Variants in TIFAB observed in about 807,000 individuals in gnomAD.
The protein encoded by TIFAB is TIFA inhibitor.
For missense variants in TIFAB, 222 were observed against 203.6 expected, an observed-to-expected ratio of 1.09 and a Z score of -0.55; for synonymous variants, 116 against 95.2, an observed-to-expected ratio of 1.22 and a Z score of -1.27.
Position 135,444,805 on chromosome 5 carries a change from C to T in TIFAB, c.*4649G>A, listed in dbSNP as rs1009620915. ...TTGCTCTACACGTTTCTGTAGTGAC[C>T]GTCCATTTGAAGGGATAGGGAAATA... On this transcript the variant is annotated 3_prime_UTR_variant, in exon 2 of 2. Transcript: ENST00000537858. 3 of 152,234 alleles carry T rather than the reference C, an allele frequency of 2.0e-5. No homozygotes were observed. The highest frequency in any genetic ancestry group is 4.8e-5 in the African/African-American group (2 of 41,450). The allele number at this position is 152,234 out of a possible 1,614,324, so 9.4% of individuals were successfully genotyped here. A position where few individuals can be genotyped will look rare whatever the true frequency, so the allele number is the denominator to read the frequency against.
chr5:135,450,932 G>A (rs1210125953), intron 1 of TIFAB, among the ~76,000 whole-genome samples: 2 of 152,156 alleles, frequency 1.3e-5, no homozygotes, highest in Admixed American at 6.5e-5. Context: ...CCACAACAGG[G>A]GGAATCCCCC....
At position 135,448,045 on chromosome 5, in the gene TIFAB, G is replaced by A. The variant is rs1478961032; in HGVS notation, c.*1409C>T. On this transcript the variant is annotated 3_prime_UTR_variant, in exon 2 of 2. Transcript: ENST00000537858. ...TCCCTGCCTTGTGGCTGTGATCTGA[G>A]TGTTTTTGCTTCATCCCTATTGGAG... 1.3e-5 allele frequency: 2 copies of A among 151,830 alleles called. No homozygotes were observed. The highest frequency in any genetic ancestry group is 1.3e-4 in the Admixed American group (2 of 15,260). 9.4% of individuals were successfully genotyped at this position (151,830 alleles called of 1,614,324 possible).
Position 135,449,581 on chromosome 5 carries a change from G to A in TIFAB, c.359C>T (p.Thr120Ile). The change falls in exon 2 of 2, where the codon ACA becomes ATA. Residue 120 changes from threonine to isoleucine, a missense_variant. Thr to Ile is a moderately conservative substitution (Grantham distance 89). Transcript: ENST00000537858. Reference protein sequence around the residue: ...IQMLVRVEEGTSLEAFVCYFH... With the variant: ...IQMLVRVEEGISLEAFVCYFH... ...ATAGCAGACAAAAGCCTCCAGGGAT[G>A]TGCCTTCTTCTACGCGAACCAGCAT... 1.2e-6 allele frequency: 2 copies of A among 1,614,268 alleles called. No homozygotes were observed. Among genetic ancestry groups the A allele is most frequent in the South Asian group, 1.1e-5 (1 of 91,090 alleles).
rs1298713822 is a variant in TIFAB at position 135,446,533 on chromosome 5, G to A, written c.*2921C>T. The A allele has an allele frequency of 1.2e-6, 2 of 1,613,900 alleles. No homozygotes were observed. The highest frequency in any genetic ancestry group is 1.1e-5 in the South Asian group (1 of 91,088). On this transcript the variant is annotated 3_prime_UTR_variant, in exon 2 of 2. Coordinates refer to ENST00000537858, the MANE Select transcript of TIFAB (RefSeq NM_001099221.2). Reference sequence around the variant, plus strand: ...TGAAGCCAGCCTGACGGTTCCAGCTGTTAGGAGAAAGTGAAGGTGGGTGCC... The same window carrying A: ...TGAAGCCAGCCTGACGGTTCCAGCTATTAGGAGAAAGTGAAGGTGGGTGCC...
chr5:135,448,674 C>T lies in TIFAB; in HGVS notation c.*780G>A, dbSNP rs1360691946. 1 of 152,168 alleles carries T rather than the reference C, an allele frequency of 6.6e-6. No homozygotes were observed. Among genetic ancestry groups the T allele is most frequent in the Non-Finnish European group, 1.5e-5 (1 of 68,070 alleles). 9.4% of individuals were successfully genotyped at this position (152,168 alleles called of 1,614,324 possible). On this transcript the variant is annotated 3_prime_UTR_variant, in exon 2 of 2. Coordinates refer to ENST00000537858, the MANE Select transcript of TIFAB (RefSeq NM_001099221.2). ...GGATGATAAGGGGGACAATGAATTT[C>T]CAGGCAGGCCCAGCTCCCAGCTCCC...
chr5:135,451,008 G>A (rs560475000), intron 1 of TIFAB, among the ~76,000 whole-genome samples: 128 of 152,316 alleles, frequency 8.4e-4, no homozygotes, highest in Middle Eastern at 6.8e-3. Context: ...AGTTCTGTGG[G>A]CCCTTGTCCT....
rs1769323479 is a variant in TIFAB at position 135,449,185 on chromosome 5, CT to C, written c.*268del. The C allele has an allele frequency of 3.9e-6, 2 of 518,590 alleles. No individual in the cohort carries two copies. The highest frequency in any genetic ancestry group is 6.9e-6 in the Non-Finnish European group (2 of 288,996). 32.1% of individuals were successfully genotyped at this position (518,590 alleles called of 1,614,324 possible). On this transcript the variant is annotated 3_prime_UTR_variant, in exon 2 of 2. Coordinates refer to ENST00000537858, the MANE Select transcript of TIFAB (RefSeq NM_001099221.2). ...TGGCCACAGAGGGTGCTTCTCCCCC[CT>C]GGGCTGTTTGTTCGGTGTTTGCAGA...
At position 135,445,374 on chromosome 5, in the gene TIFAB, G is replaced by T. The variant is rs1275409199; in HGVS notation, c.*4080C>A. The T allele has an allele frequency of 6.6e-6, 1 of 152,346 alleles. No homozygotes were observed. The highest frequency in any genetic ancestry group is 1.5e-5 in the Non-Finnish European group (1 of 68,154). The allele number at this position is 152,346 out of a possible 1,614,324, so 9.4% of individuals were successfully genotyped here. On this transcript the variant is annotated 3_prime_UTR_variant, in exon 2 of 2. Coordinates refer to ENST00000537858, the MANE Select transcript of TIFAB (RefSeq NM_001099221.2). Reference sequence around the variant, plus strand: ...CAGCCAGAGGGTCTGTGCTGTCCCTGCTGAGGCCTACAGGAGGCAGAGACA... The same window carrying T: ...CAGCCAGAGGGTCTGTGCTGTCCCTTCTGAGGCCTACAGGAGGCAGAGACA...
In TIFAB at chr5:135,446,393, G is replaced by T. The variant is rs781331124; in HGVS notation, c.*3061C>A. ...ACATGTTCACTCAGGCACGTGGGCTGCCCTGCGGTGGGAGCTGAGAGAATG... is the reference window on the plus strand; with the variant it reads ...ACATGTTCACTCAGGCACGTGGGCTTCCCTGCGGTGGGAGCTGAGAGAATG... On this transcript the variant is annotated 3_prime_UTR_variant, in exon 2 of 2. Coordinates refer to ENST00000537858, the MANE Select transcript of TIFAB (RefSeq NM_001099221.2). 3.1e-6 allele frequency: 5 copies of T among 1,606,516 alleles called. No homozygotes were observed. In the East Asian group the frequency reaches 1.1e-4, roughly 36 times the overall value.
In TIFAB at chr5:135,451,569, C is replaced by T. The variant is rs968936865; in HGVS notation, c.-11+640G>A. 5.3e-5 allele frequency among the ~76,000 whole-genome samples: 8 copies of T among 151,936 alleles called. 1 individual carries two copies. Among genetic ancestry groups the T allele is most frequent in the Admixed American group, 2.6e-4 (4 of 15,272 alleles). On this transcript the variant is annotated intron_variant, in intron 1 of 1. Transcript: ENST00000537858. ...CATGATCTTGGCTCATGGTAGCCTC[C>T]GTCTTCCAGGTTCAAGGGATTCTCC...
chr5:135,447,952 G>A lies in TIFAB; in HGVS notation c.*1502C>T, dbSNP rs1455210995. ...TGGTGAAGGTTTGCTGAATGAATGA[G>A]GAACTGCTTTGGGGGTCCCAAGGGG... On this transcript the variant is annotated 3_prime_UTR_variant, in exon 2 of 2. Transcript: ENST00000537858. The A allele has an allele frequency of 1.3e-5, 2 of 152,278 alleles. No homozygotes were observed. The highest frequency in any genetic ancestry group is 4.8e-5 in the African/African-American group (2 of 41,454). The allele number at this position is 152,278 out of a possible 1,614,324, so 9.4% of individuals were successfully genotyped here.
At chr5:135,450,427 C>A (rs182096580) in intron 1 of TIFAB, among the ~76,000 whole-genome samples, 2 of 152,326 alleles carry the variant, frequency 1.3e-5, no homozygotes, top group Admixed American at 6.5e-5. Context: ...CGAACCGAGC[C>A]CTGACTCTTG....
chr5:135,450,329 G>A (rs1288852487), intron 1 of TIFAB, among the ~76,000 whole-genome samples: 1 of 152,190 alleles, frequency 6.6e-6, no homozygotes, highest in East Asian at 1.9e-4. Context: ...CATTTTCCTT[G>A]TATCTGACAG....
Position 135,447,222 on chromosome 5 carries a change from C to A in TIFAB, c.*2232G>T. The A allele has an allele frequency of 7.6e-7, 1 of 1,317,800 alleles. No individual in the cohort carries two copies. Among genetic ancestry groups the A allele is most frequent in the East Asian group, 2.4e-5 (1 of 42,334 alleles). 81.6% of individuals were successfully genotyped at this position (1,317,800 alleles called of 1,614,324 possible). The stretch of plus-strand genomic sequence containing the variant: ...CCAGGGCATCTCCCATTATACTAAC[C>A]CTGCCTATTGGACCTTCTGATGCAA... On this transcript the variant is annotated 3_prime_UTR_variant, in exon 2 of 2. Coordinates refer to ENST00000537858, the MANE Select transcript of TIFAB (RefSeq NM_001099221.2).
rs905519199 is a variant in TIFAB at position 135,445,979 on chromosome 5, T to C, written c.*3475A>G. The stretch of plus-strand genomic sequence containing the variant: ...GCTCTGGGGTATGCCTGAATGTAAC[T>C]AATGTAGCTCCTTTTGTGCCTGAGT... On this transcript the variant is annotated 3_prime_UTR_variant, in exon 2 of 2. Transcript: ENST00000537858. 6 of 166,378 alleles carry C rather than the reference T, an allele frequency of 3.6e-5. No homozygotes were observed. Among genetic ancestry groups the C allele is most frequent in the African/African-American group, 1.4e-4 (6 of 41,784 alleles). The allele number at this position is 166,378 out of a possible 1,614,324, so 10.3% of individuals were successfully genotyped here.
chr5:135,449,340 T>A lies in TIFAB; in HGVS notation c.*114A>T. ...TAGTGGCAGGGCTAGCAGAGTGCAC[T>A]GTCTGGGGGTTCCCTCTGGAGCTGT... is the stretch of plus-strand genomic sequence containing the variant. On this transcript the variant is annotated 3_prime_UTR_variant, in exon 2 of 2. Transcript: ENST00000537858. 7.0e-7 allele frequency: 1 copy of A among 1,433,432 alleles called. No homozygotes were observed. Among genetic ancestry groups the A allele is most frequent in the South Asian group, 1.3e-5 (1 of 74,212 alleles). The allele number at this position is 1,433,432 out of a possible 1,614,324, so 88.8% of individuals were successfully genotyped here.
chr5:135,447,850 C>T lies in TIFAB; in HGVS notation c.*1604G>A, dbSNP rs1039207433. 25 of 152,244 alleles carry T rather than the reference C, an allele frequency of 1.6e-4. No homozygotes were observed. Among genetic ancestry groups the T allele is most frequent in the Admixed American group, 9.8e-4 (15 of 15,288 alleles). 9.4% of individuals were successfully genotyped at this position (152,244 alleles called of 1,614,324 possible). A position where few individuals can be genotyped will look rare whatever the true frequency, so the allele number is the denominator to read the frequency against. Reference sequence around the variant, plus strand: ...TTGACTTTCCTGAGTGCAAGGTAAACTCCCTGAGGGAGTTTGCCTTATTCA... The same window carrying T: ...TTGACTTTCCTGAGTGCAAGGTAAATTCCCTGAGGGAGTTTGCCTTATTCA... On this transcript the variant is annotated 3_prime_UTR_variant, in exon 2 of 2. Coordinates refer to ENST00000537858, the MANE Select transcript of TIFAB (RefSeq NM_001099221.2).
At position 135,445,999 on chromosome 5, in the gene TIFAB, C is replaced by A; in HGVS notation, c.*3455G>T. 5.8e-6 allele frequency: 1 copy of A among 173,448 alleles called. No individual in the cohort carries two copies. Among genetic ancestry groups the A allele is most frequent in the Non-Finnish European group, 1.2e-5 (1 of 81,328 alleles). 10.7% of individuals were successfully genotyped at this position (173,448 alleles called of 1,614,324 possible). ...GTAACTAATGTAGCTCCTTTTGTGCCTGAGTGTAGACTGGGTCCATGTGCC... is the reference window on the plus strand; with the variant it reads ...GTAACTAATGTAGCTCCTTTTGTGCATGAGTGTAGACTGGGTCCATGTGCC... On this transcript the variant is annotated 3_prime_UTR_variant, in exon 2 of 2. Coordinates refer to ENST00000537858, the MANE Select transcript of TIFAB (RefSeq NM_001099221.2).
At position 135,446,396 on chromosome 5, in the gene TIFAB, C is replaced by T. The variant is rs780214750; in HGVS notation, c.*3058G>A. 2 of 1,606,870 alleles carry T rather than the reference C, an allele frequency of 1.2e-6. 1 individual carries two copies. The highest frequency in any genetic ancestry group is 1.7e-6 in the Non-Finnish European group (2 of 1,174,512). ...TGTTCACTCAGGCACGTGGGCTGCC[C>T]TGCGGTGGGAGCTGAGAGAATGCAG... On this transcript the variant is annotated 3_prime_UTR_variant, in exon 2 of 2. Coordinates refer to ENST00000537858, the MANE Select transcript of TIFAB (RefSeq NM_001099221.2).
Sources: gnomAD v4.1 joint callset for allele counts (sites outside exome capture counted in the v4.1 genomes callset) on GRCh38, gnomAD v4.1.1 for gene constraint, MANE v1.5 for transcripts, NCBI Gene and HGNC (gene_info 2026-07-23, HGNC 2026-07-21) for gene names.